The following DNAH14 variants were observed in gnomAD, a reference collection of about 807,000 sequenced individuals.
DNAH14 encodes axonemal beta dynein heavy chain 14.
Under a neutral mutation model 520.9 loss-of-function variants are expected in DNAH14, and 478 were observed. The ratio of observed to expected loss-of-function variants is 0.92; its 90% confidence interval spans 0.85 to 0.99. DNAH14 has a LOEUF of 0.99. Among genes scored for constraint, DNAH14 ranks in the 50% least tolerant of loss-of-function variants. The probability of loss-of-function intolerance (pLI) is 0.00; values close to 1 mark genes in which losing one functional copy is unlikely to be tolerated. For synonymous variants in DNAH14, 1,581 were observed against 1,757.2 expected (o/e 0.90, Z 2.51); for missense variants, 4,831 against 5,234.5 (o/e 0.92, Z 2.38).
At chr1:224,982,767 A>C (rs919606637) in intron 8 of DNAH14, among the ~76,000 whole-genome samples, 1 of 152,098 alleles carries the variant, frequency 6.6e-6, no homozygotes, top group Non-Finnish European at 1.5e-5. Context: ...ATGTATTTGC[A>C]TGATTTTGGA....
At chr1:225,263,244 A>T (rs548350163) in intron 46 of DNAH14, among the ~76,000 whole-genome samples, 1 of 150,022 alleles carries the variant, frequency 6.7e-6, no homozygotes, top group Admixed American at 6.6e-5. Flanking sequence ...ATATATACAC[A>T]TATATATACA....
intron 60 of DNAH14, among the ~76,000 whole-genome samples, chr1:225,312,041 T>C (rs2094377826): frequency 6.6e-6 from 1 of 152,190 alleles, no homozygotes; most frequent in Non-Finnish European, 1.5e-5. Context: ...TTGAGCAGTA[T>C]GGCCATTTTC....
chr1:225,053,570 G>A (rs1030429606), intron 17 of DNAH14, among the ~76,000 whole-genome samples: 5 of 152,088 alleles, frequency 3.3e-5, no homozygotes, highest in African/African-American at 1.2e-4. Context: ...ATCATCTAGG[G>A]GAGAGGTGAT....
intron 84 of DNAH14, chr1:225,396,742 G>T (rs1010155298): frequency 1.3e-5 from 2 of 152,080 alleles, no homozygotes; most frequent in African/African-American, 4.8e-5. Context: ...TATTCTGAGT[G>T]GCTCTTTGAA....
intron 27 of DNAH14, among the ~76,000 whole-genome samples, chr1:225,133,013 G>A (rs1351243049): frequency 1.3e-5 from 2 of 152,044 alleles, no homozygotes; most frequent in East Asian, 3.9e-4. Flanking sequence ...TTGGGCGCAT[G>A]TATGTCTTTT....
intron 1 of DNAH14, among the ~76,000 whole-genome samples, chr1:224,951,781 G>T (rs1388228707): frequency 2.0e-5 from 3 of 151,270 alleles, no homozygotes; most frequent in African/African-American, 4.9e-5. Flanking sequence ...CTCCCGAGTA[G>T]CTGGGACTAC....
At chr1:225,031,333 G>C (rs1165381636) in intron 11 of DNAH14, among the ~76,000 whole-genome samples, 1 of 151,980 alleles carries the variant, frequency 6.6e-6, no homozygotes, top group Non-Finnish European at 1.5e-5. Flanking sequence ...GCCAAATCCT[G>C]TGGCAGCCAG....
chr1:225,368,265 A>T (rs1428626718), intron 77 of DNAH14, among the ~76,000 whole-genome samples: 1 of 152,214 alleles, frequency 6.6e-6, no homozygotes, highest in African/African-American at 2.4e-5. Flanking sequence ...TATTGGGCAA[A>T]CTAACCTCTC....
rs1218533136 is a variant in DNAH14 at position 225,334,884 on chromosome 1, A to ATG, written c.10080+1402_10080+1403dup. ...TCTCTGTCTCTCTCTCTACATATAT[A>ATG]TGTGTGTGTGTGTGTGTGTGTGTGT... On this transcript the variant is annotated intron_variant, in intron 66 of 85. Transcript: ENST00000682510. Among the ~76,000 whole-genome samples, 431 of 143,232 alleles carry ATG rather than the reference A, an allele frequency of 3.0e-3. 1 individual carries two copies. Among genetic ancestry groups the ATG allele is most frequent in the African/African-American group, 3.9e-3 (154 of 39,140 alleles). 94.0% of individuals were successfully genotyped at this position (143,232 alleles called of 152,430 possible). A position where few individuals can be genotyped will look rare whatever the true frequency, so the allele number is the denominator to read the frequency against.
At chr1:225,001,831 T>C (rs1290902845) in intron 8 of DNAH14, among the ~76,000 whole-genome samples, 1 of 152,150 alleles carries the variant, frequency 6.6e-6, no homozygotes, top group Non-Finnish European at 1.5e-5. Context: ...TCTTTTTCTG[T>C]ATCAGATACT....
intron 11 of DNAH14, among the ~76,000 whole-genome samples, chr1:225,032,603 G>A (rs963246981): frequency 6.6e-6 from 1 of 152,066 alleles, no homozygotes; most frequent in Non-Finnish European, 1.5e-5. Flanking sequence ...ACTCAATAAC[G>A]GGACTGCTGG....
At chr1:224,941,321 T>G (rs1462808899) in intron 1 of DNAH14, among the ~76,000 whole-genome samples, 1 of 152,196 alleles carries the variant, frequency 6.6e-6, no homozygotes, top group Non-Finnish European at 1.5e-5. Context: ...TGTCTTCTTT[T>G]GAGAAGTGTC....
At chr1:225,028,203 T>C (rs1057225964) in intron 11 of DNAH14, among the ~76,000 whole-genome samples, 5 of 152,116 alleles carry the variant, frequency 3.3e-5, no homozygotes, top group Non-Finnish European at 5.9e-5. Context: ...GAAGGATCGG[T>C]GTTAATTCTT....
chr1:225,298,848 G>A (rs1337272743), intron 55 of DNAH14, among the ~76,000 whole-genome samples: 3 of 152,236 alleles, frequency 2.0e-5, no homozygotes, highest in Non-Finnish European at 2.9e-5. Flanking sequence ...GACTGTAGGT[G>A]TTTCAGTGGC....
At chr1:225,013,844 G>C (rs140013788) in intron 10 of DNAH14, among the ~76,000 whole-genome samples, 5,942 of 152,230 alleles carry the variant, frequency 0.039, 169 homozygotes, top group Non-Finnish European at 0.06. Context: ...TCAGACTGCT[G>C]TGCTGGTAGC....
chr1:224,985,730 G>A (rs2062587500), intron 8 of DNAH14, among the ~76,000 whole-genome samples: 1 of 151,936 alleles, frequency 6.6e-6, no homozygotes, highest in East Asian at 1.9e-4. Flanking sequence ...TCAAAAAGAA[G>A]CAGAAATTCT....
chr1:225,137,605 C>G (rs1282791738), intron 27 of DNAH14, among the ~76,000 whole-genome samples: 1 of 152,182 alleles, frequency 6.6e-6, no homozygotes, highest in African/African-American at 2.4e-5. Context: ...ATCCACCCAC[C>G]TCAGCCTCCC....
At chr1:225,162,886 C>T (rs2081655255) in intron 35 of DNAH14, among the ~76,000 whole-genome samples, 1 of 151,954 alleles carries the variant, frequency 6.6e-6, no homozygotes, top group Non-Finnish European at 1.5e-5. Context: ...CCTGTAATCC[C>T]AGCACTTTGG....
At chr1:225,193,763 T>G (rs1360369702) in intron 38 of DNAH14, among the ~76,000 whole-genome samples, 1 of 152,030 alleles carries the variant, frequency 6.6e-6, no homozygotes, top group Non-Finnish European at 1.5e-5. Context: ...TTAAACTATC[T>G]CTGTTTGCAG....
Sources: allele counts gnomAD v4.1 joint callset (sites outside exome capture counted in the v4.1 genomes callset), GRCh38; gene constraint gnomAD v4.1.1; transcripts MANE v1.5; gene names NCBI Gene and HGNC (gene_info 2026-07-23, HGNC 2026-07-21).